Variants in SNTB1 observed in about 807,000 individuals in gnomAD.
SNTB1 encodes syntrophin beta 1.
Under a neutral mutation model 48.9 loss-of-function variants are expected in SNTB1, and 36 were observed. That is an observed-to-expected ratio of 0.74 (90% CI 0.56 to 0.97). The LOEUF (loss-of-function observed/expected upper bound fraction) is 0.97. Ranked by LOEUF, SNTB1 falls within the 50% of genes least tolerant of loss-of-function variation. The pLI, the probability that SNTB1 is intolerant of heterozygous loss-of-function variation, is 0.00. For missense variants in SNTB1, 786 were observed against 703.4 expected (o/e 1.12, Z -1.33); for synonymous variants, 299 against 294.6 (o/e 1.01, Z -0.15).
chr8:120,711,445 T>C (rs1268208674), intron 1 of SNTB1, among the ~76,000 whole-genome samples: 1 of 152,218 alleles, frequency 6.6e-6, no homozygotes, highest in South Asian at 2.1e-4. Context: ...TGGGAAATCC[T>C]GGCTGTGTGT....
At chr8:120,811,239 G>T in intron 1 of SNTB1, 34 bp downstream of exon 1, 1 of 1,548,048 alleles carries the variant, frequency 6.5e-7, no homozygotes, top group Non-Finnish European at 8.7e-7. Flanking sequence ...GTGTGTGCGC[G>T]CCCGGCGCGG....
intron 1 of SNTB1, among the ~76,000 whole-genome samples, chr8:120,758,485 C>G (rs1819356921): frequency 6.6e-6 from 1 of 152,164 alleles, no homozygotes; most frequent in African/African-American, 2.4e-5. Context: ...TATCATGTTC[C>G]TTATTTGTGC....
At chr8:120,747,236 T>C (rs1313519710) in intron 1 of SNTB1, among the ~76,000 whole-genome samples, 4 of 152,180 alleles carry the variant, frequency 2.6e-5, no homozygotes, top group Admixed American at 2.6e-4. Context: ...TGAAGGCCAT[T>C]ATCCTTAGCA....
intron 1 of SNTB1, among the ~76,000 whole-genome samples, chr8:120,767,452 G>T (rs1282812317): frequency 6.6e-6 from 1 of 152,088 alleles, no homozygotes; most frequent in Non-Finnish European, 1.5e-5. Flanking sequence ...ATAACACAAA[G>T]AACTTGCAAG....
At chr8:120,712,347 G>T (rs113332072) in intron 1 of SNTB1, among the ~76,000 whole-genome samples, 1 of 145,630 alleles carries the variant, frequency 6.9e-6, no homozygotes, top group African/African-American at 2.6e-5. Context: ...CCTGGGAGGC[G>T]CAGCTTGCAG....
chr8:120,774,483 A>G (rs1563597831), intron 1 of SNTB1, among the ~76,000 whole-genome samples: 1 of 152,232 alleles, frequency 6.6e-6, no homozygotes, highest in East Asian at 1.9e-4. Context: ...GCTGTGTGGC[A>G]TACGGAGTGG....
chr8:120,713,411 T>C (rs73321269), intron 1 of SNTB1, among the ~76,000 whole-genome samples: 4,724 of 152,232 alleles, frequency 0.031, 225 homozygotes, highest in African/African-American at 0.11. Flanking sequence ...TGTTTTCTGA[T>C]TTGCTTTTTC....
intron 3 of SNTB1, among the ~76,000 whole-genome samples, chr8:120,626,280 TAGATAGA>T (rs1816882244): frequency 6.6e-6 from 1 of 152,148 alleles, no homozygotes; most frequent in African/African-American, 2.4e-5. Context: ...TAGGGATGAA[TAGATAGA>T]TACAGGGAGG....
At chr8:120,699,183 G>A (rs1287005332) in intron 1 of SNTB1, among the ~76,000 whole-genome samples, 1 of 152,150 alleles carries the variant, frequency 6.6e-6, no homozygotes, top group Non-Finnish European at 1.5e-5. Context: ...TAGGAAAGAC[G>A]AAGAAGTGAA....
rs535637510 is a variant in SNTB1, at chr8:120,716,483, A to C, written c.572-22575T>G. Reference sequence around the variant, plus strand: ...TGTGAAGGTCAATTCTTGCAGTATGACATCTATTCCAGCAGCTGACTTTGC... The same window carrying C: ...TGTGAAGGTCAATTCTTGCAGTATGCCATCTATTCCAGCAGCTGACTTTGC... On this transcript the variant is annotated intron_variant, in intron 1 of 6. Transcript: ENST00000517992. 3.9e-5 allele frequency among the ~76,000 whole-genome samples: 6 copies of C among 152,330 alleles called. No individual in the cohort carries two copies. In the South Asian group the frequency reaches 1.0e-3, roughly 26 times the overall value.
At chr8:120,663,487 A>T (rs899344878) in intron 2 of SNTB1, among the ~76,000 whole-genome samples, 2 of 152,146 alleles carry the variant, frequency 1.3e-5, no homozygotes, top group Middle Eastern at 3.4e-3. Context: ...TAGTAGTTTT[A>T]GTAGGGATGG....
chr8:120,629,262 C>T (rs1816940469), intron 3 of SNTB1, among the ~76,000 whole-genome samples: 1 of 152,152 alleles, frequency 6.6e-6, no homozygotes. Flanking sequence ...ATTAAACTTT[C>T]CTCCTGTGTA....
At chr8:120,793,575 C>G (rs1006413351) in intron 1 of SNTB1, among the ~76,000 whole-genome samples, 10 of 151,986 alleles carry the variant, frequency 6.6e-5, no homozygotes, top group African/African-American at 2.4e-4. Flanking sequence ...AAGGAACCAG[C>G]TCCAGTTCAA....
chr8:120,656,408 A>T (rs1281243106), intron 2 of SNTB1, among the ~76,000 whole-genome samples: 1 of 152,202 alleles, frequency 6.6e-6, no homozygotes, highest in Non-Finnish European at 1.5e-5. Flanking sequence ...CAGCACTTTG[A>T]CCTTTCCTGG....
At chr8:120,738,435 C>T (rs192087913) in intron 1 of SNTB1, among the ~76,000 whole-genome samples, 75 of 152,210 alleles carry the variant, frequency 4.9e-4, no homozygotes, top group African/African-American at 1.5e-3. Context: ...GAAGACCTTA[C>T]GGGACAGATA....
chr8:120,626,264 A>C (rs1816881882), intron 3 of SNTB1, among the ~76,000 whole-genome samples: 1 of 152,166 alleles, frequency 6.6e-6, no homozygotes, highest in Non-Finnish European at 1.5e-5. Flanking sequence ...TAAATAGGTA[A>C]TTAGATAGGG....
chr8:120,543,138 T>C (rs1289592723), intron 5 of SNTB1, among the ~76,000 whole-genome samples: 1 of 152,208 alleles, frequency 6.6e-6, no homozygotes, highest in Non-Finnish European at 1.5e-5. Context: ...GCTTATGAGC[T>C]GGGCAAGGGG....
intron 1 of SNTB1, among the ~76,000 whole-genome samples, chr8:120,738,969 T>A (rs1818998097): frequency 6.6e-6 from 1 of 152,196 alleles, no homozygotes. Flanking sequence ...AAACTAAAAC[T>A]GCAAAGCAAA....
chr8:120,693,987 G>C, intron 1 of SNTB1, 79 bp from the exon 2 acceptor site: 3 of 1,137,834 alleles, frequency 2.6e-6, no homozygotes, highest in South Asian at 2.5e-5. Context: ...TTCTGAAATA[G>C]ACTTGCTTTG....
Sources: allele counts gnomAD v4.1 joint callset (sites outside exome capture counted in the v4.1 genomes callset), GRCh38; gene constraint gnomAD v4.1.1; transcripts MANE v1.5; gene names NCBI Gene and HGNC (gene_info 2026-07-23, HGNC 2026-07-21).